The following GFM2 variants were observed in gnomAD, a reference collection of about 807,000 sequenced individuals.
GFM2 encodes the protein GTP dependent ribosome recycling factor mitochondrial 2.
A neutral mutation model predicts 95.4 loss-of-function variants in GFM2; 72 were observed. The ratio of observed to expected loss-of-function variants is 0.76; its 90% CI spans 0.62 to 0.92. The LOEUF is 0.92. GFM2 is among the 40% of genes least tolerant of loss of function. The pLI is 0.00. For missense variants in GFM2, 825 were observed against 924.1 expected (o/e 0.89, Z 1.39); for synonymous variants, 276 against 317.5 (o/e 0.87, Z 1.39).
chr5:74,744,769 AC>A (rs1451902682), intron 10 of GFM2, among the ~76,000 whole-genome samples: 5 of 152,212 alleles, frequency 3.3e-5, no homozygotes, highest in African/African-American at 1.2e-4. Flanking sequence ...ACAAGTAGAT[AC>A]AAAAATGTTC....
At chr5:74,748,699 T>C (rs1388565625) in intron 7 of GFM2, among the ~76,000 whole-genome samples, 1 of 151,636 alleles carries the variant, frequency 6.6e-6, no homozygotes, top group Non-Finnish European at 1.5e-5. Flanking sequence ...ACTCTGTCTC[T>C]ACTAAAAATA....
chr5:74,759,465 T>C (rs759994310), intron 3 of GFM2, 39 bp from the exon 4 acceptor site: 1 of 1,098,830 alleles, frequency 9.1e-7, no homozygotes, highest in Admixed American at 2.1e-5. Flanking sequence ...GTTACATTTA[T>C]GAAATTTTCC....
Position 74,740,118 on chromosome 5 carries a change from CTATGTATTGCAG to C in GFM2, c.938_949del (p.Thr313_His316del). On this transcript the variant is annotated inframe_deletion, in exon 12 of 21. Coordinates refer to ENST00000296805, the MANE Select transcript of GFM2 (RefSeq NM_032380.5). ...CACTGCTGTCTGAGCTAGTGTCACT[CTATGTATTGCAG>C]TCTGTAGCTACAGAGCAGAGATACA... 1 of 1,601,828 alleles carries C rather than the reference CTATGTATTGCAG, an allele frequency of 6.2e-7. No homozygotes were observed. The highest frequency in any genetic ancestry group is 2.3e-5 in the East Asian group (1 of 44,266).
At position 74,721,256 on chromosome 5, in the gene GFM2, TG is replaced by T; in HGVS notation, c.*398del. On this transcript the variant is annotated 3_prime_UTR_variant, in exon 21 of 21. Transcript: ENST00000296805. ...AATCATGTAAAATAAGATATTAGAC[TG>T]TTTTTTGAATAAAATATTTTTATTG... 2 of 877,642 alleles carry T rather than the reference TG, an allele frequency of 2.3e-6. No homozygotes were observed. Among genetic ancestry groups the T allele is most frequent in the Non-Finnish European group, 3.5e-6 (2 of 569,510 alleles). The allele number at this position is 877,642 out of a possible 1,614,324, so 54.4% of individuals were successfully genotyped here. A position where few individuals can be genotyped will look rare whatever the true frequency, so the allele number is the denominator to read the frequency against.
intron 6 of GFM2, 24 bp downstream of exon 6, chr5:74,751,344 T>C (rs775595121): frequency 6.3e-7 from 1 of 1,596,996 alleles, no homozygotes. Flanking sequence ...GCAGCATCTC[T>C]GTGTTACTGG....
At chr5:74,753,597 A>T (rs1324975687) in intron 5 of GFM2, among the ~76,000 whole-genome samples, 1 of 152,202 alleles carries the variant, frequency 6.6e-6, no homozygotes, top group African/African-American at 2.4e-5. Flanking sequence ...ACTCCATCTC[A>T]AAAAGAGAAG....
rs753922172 is a variant in GFM2, at chr5:74,725,629, T to C, written c.2028+11A>G. On this transcript the variant is annotated intron_variant, in intron 19 of 20. Coordinates refer to ENST00000296805, the MANE Select transcript of GFM2 (RefSeq NM_032380.5). Reference sequence around the variant, plus strand: ...CACCTTAAAGCCATAAGGATTAGGATAGTTCTATACCTTTTGCACGCATCT... The same window carrying C: ...CACCTTAAAGCCATAAGGATTAGGACAGTTCTATACCTTTTGCACGCATCT... 15 of 1,557,004 alleles carry C rather than the reference T, an allele frequency of 9.6e-6. No homozygotes were observed. In the South Asian group the frequency reaches 1.4e-4, roughly 15 times the overall value.
rs1749855291 is a variant in GFM2, at chr5:74,721,240, A to AAAT, written c.*412_*414dup. 5 of 1,242,674 alleles carry AAAT rather than the reference A, an allele frequency of 4.0e-6. No individual in the cohort carries two copies. The highest frequency in any genetic ancestry group is 1.5e-5 in the African/African-American group (1 of 67,248). The allele number at this position is 1,242,674 out of a possible 1,614,324, so 77.0% of individuals were successfully genotyped here. A position where few individuals can be genotyped will look rare whatever the true frequency, so the allele number is the denominator to read the frequency against. ...ATCAACTTTATTTTGAAATCATGTA[A>AAAT]AATAAGATATTAGACTGTTTTTTGA... is the stretch of plus-strand genomic sequence containing the variant. On this transcript the variant is annotated 3_prime_UTR_variant, in exon 21 of 21. Transcript: ENST00000296805.
Position 74,721,646 on chromosome 5 carries a change from C to T in GFM2, c.*9G>A. On this transcript the variant is annotated 3_prime_UTR_variant, in exon 21 of 21. Transcript: ENST00000296805. ...GTGCTCCTGAATTTCTCTCCAAAAA[C>T]TAAAACATTTAGGTCAAACCACTTC... 6.2e-7 allele frequency: 1 copy of T among 1,605,738 alleles called. No individual in the cohort carries two copies. The highest frequency in any genetic ancestry group is 8.5e-7 in the Non-Finnish European group (1 of 1,177,632).
rs775618593 is a variant in GFM2 at position 74,725,944 on chromosome 5, G to A, written c.1909C>T (p.Gln637Ter). The change falls in exon 18 of 21, where the codon CAA becomes TAA. Residue 637 changes from glutamine to a stop codon, truncating the protein, a stop_gained. Coordinates refer to ENST00000296805, the MANE Select transcript of GFM2 (RefSeq NM_032380.5). LOFTEE classifies it high-confidence loss of function. ...IENGIHSACL[Q>*]GPLLGSPIQD... ...TACTCTCATTTGAGTGTCTTACCTTGGAGACATGCGCTGTGAATTCCATTT... is the reference window on the plus strand; with the variant it reads ...TACTCTCATTTGAGTGTCTTACCTTAGAGACATGCGCTGTGAATTCCATTT... 2.5e-6 allele frequency: 4 copies of A among 1,607,966 alleles called. No homozygotes were observed.
intron 15 of GFM2, 125 bp downstream of exon 15, chr5:74,736,671 T>C (rs2112255630): frequency 1.3e-6 from 2 of 1,489,726 alleles, no homozygotes; most frequent in East Asian, 4.7e-5. Context: ...CCACAAGAAA[T>C]GTTTACCAAT....
At chr5:74,736,496 A>C in intron 15 of GFM2, 1 of 985,234 alleles carries the variant, frequency 1.0e-6, no homozygotes, top group Non-Finnish European at 1.2e-6. Flanking sequence ...TTACTGTCTA[A>C]TCTAATATAC....
intron 10 of GFM2, among the ~76,000 whole-genome samples, chr5:74,742,446 T>G (rs1743158783): frequency 6.6e-6 from 1 of 152,108 alleles, no homozygotes; most frequent in African/African-American, 2.4e-5. Flanking sequence ...CCTTAGTAAC[T>G]CACAAAGATG....
chr5:74,733,401 T>C (rs547587450), intron 15 of GFM2: 1 of 192,882 alleles, frequency 5.2e-6, no homozygotes, highest in African/African-American at 2.4e-5. Context: ...GCTGATATAA[T>C]AATAATAATG....
Position 74,721,435 on chromosome 5 carries a change from A to C in GFM2, c.*220T>G. On this transcript the variant is annotated 3_prime_UTR_variant, in exon 21 of 21. Coordinates refer to ENST00000296805, the MANE Select transcript of GFM2 (RefSeq NM_032380.5). ...ACTTCATAGATGAACAGCATGATTC[A>C]GGTACAGTGGCTTTAAACATCAAAG... 1.4e-6 allele frequency: 1 copy of C among 703,210 alleles called. No individual in the cohort carries two copies. Among genetic ancestry groups the C allele is most frequent in the Admixed American group, 2.2e-5 (1 of 45,038 alleles). The allele number at this position is 703,210 out of a possible 1,614,324, so 43.6% of individuals were successfully genotyped here.
chr5:74,747,613 C>A, intron 8 of GFM2, 79 bp downstream of exon 8: 2 of 785,672 alleles, frequency 2.5e-6, no homozygotes, highest in Admixed American at 2.4e-5. Flanking sequence ...AATAGCTATT[C>A]CTAAATTTAA....
At position 74,763,687 on chromosome 5, in the gene GFM2, T is replaced by A; in HGVS notation, c.56A>T (p.Tyr19Phe). The change falls in exon 2 of 21, where the codon TAT becomes TTT. Residue 19 changes from tyrosine (Y) to phenylalanine (F), a missense_variant. Transcript: ENST00000296805. The stretch of plus-strand genomic sequence containing the variant: ...TTTATAAGAAATGCTTACATTAATA[T>A]ACACACTGGGTATTGTCTGATGACT... ...AMSHQTIPSV[Y>F]INNICCYKIR... 2 of 1,573,960 alleles carry A rather than the reference T, an allele frequency of 1.3e-6. No homozygotes were observed. The highest frequency in any genetic ancestry group is 1.7e-6 in the Non-Finnish European group (2 of 1,144,272).
intron 11 of GFM2, 148 bp from the exon 12 acceptor site, chr5:74,740,285 C>CCA (rs1743050121): frequency 1.8e-6 from 1 of 550,700 alleles, no homozygotes; most frequent in African/African-American, 2.0e-5. Context: ...TAACACTCAT[C>CCA]ACTATCTGGA....
At position 74,751,313 on chromosome 5, in the gene GFM2, A is replaced by G. The variant is rs1455093684; in HGVS notation, c.430+55T>C. ...AAAAGCAAAACAAAAACCCCAGAAA[A>G]ACAAAAAAACTCCAAATGACGCAGC... On this transcript the variant is annotated intron_variant, in intron 6 of 20. Coordinates refer to ENST00000296805, the MANE Select transcript of GFM2 (RefSeq NM_032380.5). 13 of 1,551,698 alleles carry G rather than the reference A, an allele frequency of 8.4e-6. No individual in the cohort carries two copies. In the Admixed American group the frequency reaches 2.7e-4, roughly 33 times the overall value.
Sources: allele counts gnomAD v4.1 joint callset (sites outside exome capture counted in the v4.1 genomes callset), GRCh38; gene constraint gnomAD v4.1.1; transcripts MANE v1.5; gene names NCBI Gene and HGNC (gene_info 2026-07-23, HGNC 2026-07-21).